Variants in WNT3 observed in about 807,000 individuals in gnomAD.
The protein encoded by WNT3 is Wnt family member 3, also known as proto-oncogene Wnt-3.
WNT3 carries 7 observed loss-of-function variants against 34.2 expected under a neutral mutation model. That is an observed-to-expected ratio of 0.20 (90% CI 0.12 to 0.38). WNT3 has a LOEUF of 0.38. WNT3 is among the 10% of genes least tolerant of loss of function. WNT3 has a pLI of 1.00. For missense variants in WNT3, 267 were observed against 499.8 expected (o/e 0.53, Z 4.44); for synonymous variants, 212 against 211.5 (o/e 1.00, Z -0.02).
Position 46,768,345 on chromosome 17 carries a change from A to G in WNT3, c.1043T>C (p.Ile348Thr). 1 of 1,613,774 alleles carries G rather than the reference A, an allele frequency of 6.2e-7. No homozygotes were observed. The highest frequency in any genetic ancestry group is 8.5e-7 in the Non-Finnish European group (1 of 1,180,044). ...CYVSCQECIRIYDVHTCK is the reference protein window; with the variant it reads ...CYVSCQECIRTYDVHTCK Reference sequence around the variant, plus strand: ...CTACTTGCAGGTGTGCACGTCGTAGATGCGAATACACTCCTGGCAGCTGAC... The same window carrying G: ...CTACTTGCAGGTGTGCACGTCGTAGGTGCGAATACACTCCTGGCAGCTGAC... The change falls in exon 4 of 5, where the codon ATC (isoleucine) becomes ACC (threonine). Residue 348 changes from isoleucine to threonine, a missense_variant. By Grantham distance (89) the Ile-to-Thr change is moderately conservative. Transcript: ENST00000225512. This position sits in a 1 kb window ranked among gnomAD's most constrained non-coding sequence, Gnocchi z 5.0.
chr17:46,815,415 G>A (rs756425681), intron 1 of WNT3, among the ~76,000 whole-genome samples: 3 of 152,148 alleles, frequency 2.0e-5, no homozygotes, highest in Non-Finnish European at 4.4e-5. Context: ...TTGAGGGTCC[G>A]CGTGGACAGA....
intron 1 of WNT3, among the ~76,000 whole-genome samples, chr17:46,807,135 C>T (rs1054966375): frequency 1.3e-5 from 2 of 152,118 alleles, no homozygotes; most frequent in East Asian, 1.9e-4. Context: ...AAAAAAGAGG[C>T]GACTTCTCTG....
rs1227379658 is a variant in WNT3 at position 46,768,573 on chromosome 17, C to T, written c.815G>A (p.Arg272Lys). Residue 272 changes from arginine (R) to lysine (K), a missense_variant, in exon 4 of 5, where the codon AGG becomes AAG. Arg to Lys is a conservative substitution (Grantham distance 26). This residue lies in a region of WNT3 where 181 missense variants were observed against 391.3 expected (regional missense o/e 0.46). Transcript: ENST00000225512. The surrounding 1 kb of genome is among the most constrained non-coding windows in gnomAD (Gnocchi z 5.0). ...GGAGTTCTCGTAGTAGACCAGGTCCCTCTCCGTGGGTGGCTTGAAGAGCGA... is the reference window on the plus strand; with the variant it reads ...GGAGTTCTCGTAGTAGACCAGGTCCTTCTCCGTGGGTGGCTTGAAGAGCGA... ...KYSLFKPPTE[R>K]DLVYYENSPN... is the part of the protein sequence containing the mutation. 1.2e-6 allele frequency: 2 copies of T among 1,614,204 alleles called. No individual in the cohort carries two copies. The highest frequency in any genetic ancestry group is 1.7e-6 in the Non-Finnish European group (2 of 1,180,046).
At chr17:46,779,098 C>T (rs532390637) in intron 1 of WNT3, among the ~76,000 whole-genome samples, 1 of 147,028 alleles carries the variant, frequency 6.8e-6, no homozygotes, top group African/African-American at 2.6e-5. Flanking sequence ...CACACACACA[C>T]ACACACCCCA....
chr17:46,786,825 G>A (rs1387325716), intron 1 of WNT3, among the ~76,000 whole-genome samples: 1 of 152,234 alleles, frequency 6.6e-6, no homozygotes, highest in African/African-American at 2.4e-5. Context: ...TGGCAACTCA[G>A]GGGATGCTGA....
intron 1 of WNT3, among the ~76,000 whole-genome samples, chr17:46,802,539 A>T (rs2084139214): frequency 6.6e-6 from 1 of 152,140 alleles, no homozygotes; most frequent in Admixed American, 6.5e-5. Flanking sequence ...AAGTGCTGGG[A>T]TTACAGGTGT....
intron 1 of WNT3, among the ~76,000 whole-genome samples, chr17:46,780,814 C>T (rs1209775015): frequency 6.6e-6 from 1 of 152,016 alleles, no homozygotes; most frequent in Non-Finnish European, 1.5e-5. Context: ...CCAACAGACA[C>T]CTGTACACCA....
In WNT3 at chr17:46,792,963, A is replaced by G. The variant is rs34458340; in HGVS notation, c.81-19054T>C. On this transcript the variant is annotated intron_variant, in intron 1 of 4. Coordinates refer to ENST00000225512, the MANE Select transcript of WNT3 (RefSeq NM_030753.5). ...ATAGCTAGGAAATGGTGGCACTGAG[A>G]TGGCAAAAAAAGCAGTGAGGGCTGA... Among the ~76,000 whole-genome samples, 212 of 152,120 alleles carry G rather than the reference A, an allele frequency of 1.4e-3. 2 individuals are homozygous for G. Among genetic ancestry groups the G allele is most frequent in the African/African-American group, 4.6e-3 (191 of 41,494 alleles).
chr17:46,776,764 G>C (rs147346738), intron 1 of WNT3, among the ~76,000 whole-genome samples: 132 of 152,274 alleles, frequency 8.7e-4, no homozygotes, highest in African/African-American at 3.0e-3. Context: ...AGAAGCCTGG[G>C]CTGTCCCCGC....
At chr17:46,803,883 G>T (rs1292656623) in intron 1 of WNT3, among the ~76,000 whole-genome samples, 2 of 152,214 alleles carry the variant, frequency 1.3e-5, no homozygotes, top group African/African-American at 4.8e-5. Context: ...AATTCTCATG[G>T]CGCAGCTGAA....
chr17:46,768,610 G>A lies in WNT3; in HGVS notation c.778C>T (p.Arg260Trp). 1.9e-6 allele frequency: 3 copies of A among 1,614,152 alleles called. No individual in the cohort carries two copies. The highest frequency in any genetic ancestry group is 1.1e-5 in the South Asian group (1 of 91,078). ...RESRGWVETL[R>W]AKYSLFKPPT... The stretch of plus-strand genomic sequence containing the variant: ...GGCTTGAAGAGCGAGTACTTGGCCC[G>A]GAGGGTCTCCACCCAGCCTCGGGAC... The change falls in exon 4 of 5, where the codon CGG becomes TGG. Residue 260 changes from arginine to tryptophan, a missense_variant. Arg to Trp is a moderately radical substitution (Grantham distance 101). This residue lies in a region of WNT3 where 181 missense variants were observed against 391.3 expected (regional missense o/e 0.46). Coordinates refer to ENST00000225512, the MANE Select transcript of WNT3 (RefSeq NM_030753.5). The surrounding 1 kb of genome is among the most constrained non-coding windows in gnomAD (Gnocchi z 5.0).
intron 1 of WNT3, among the ~76,000 whole-genome samples, chr17:46,775,402 C>T (rs1402861299): frequency 1.3e-5 from 2 of 152,086 alleles, no homozygotes; most frequent in African/African-American, 2.4e-5. Flanking sequence ...CCCTGGGCAC[C>T]GTGCAGGGGC....
intron 1 of WNT3, among the ~76,000 whole-genome samples, chr17:46,779,104 C>CACACA (rs1555683622): frequency 4.8e-4 from 63 of 130,746 alleles, no homozygotes; most frequent in South Asian, 6.9e-4. Context: ...CACACACACA[C>CACACA]CCCAGCCCAC....
intron 1 of WNT3, among the ~76,000 whole-genome samples, chr17:46,789,629 A>G (rs926971305): frequency 1.3e-5 from 2 of 152,228 alleles, no homozygotes; most frequent in Non-Finnish European, 2.9e-5. Flanking sequence ...AACAAACCAA[A>G]TGACACCATG....
At chr17:46,789,514 C>A (rs1323362531) in intron 1 of WNT3, among the ~76,000 whole-genome samples, 1 of 152,212 alleles carries the variant, frequency 6.6e-6, no homozygotes, top group Non-Finnish European at 1.5e-5. Context: ...GATGATGCAG[C>A]AGGAAGGCCC....
At chr17:46,791,240 G>A (rs2083982741) in intron 1 of WNT3, among the ~76,000 whole-genome samples, 2 of 151,364 alleles carry the variant, frequency 1.3e-5, no homozygotes, top group South Asian at 4.2e-4. Flanking sequence ...CTGAGACAGA[G>A]TCTCGCCCTG....
At chr17:46,809,515 C>T (rs932766981) in intron 1 of WNT3, among the ~76,000 whole-genome samples, 9 of 152,186 alleles carry the variant, frequency 5.9e-5, no homozygotes, top group Admixed American at 1.3e-4. Flanking sequence ...TTTTTCCAGC[C>T]GAGCTGGAGG....
chr17:46,787,991 C>T (rs571895685), intron 1 of WNT3, among the ~76,000 whole-genome samples: 1 of 152,042 alleles, frequency 6.6e-6, no homozygotes, highest in South Asian at 2.1e-4. Flanking sequence ...AGCCTCCACC[C>T]TCCTCAGTGA....
At chr17:46,789,817 G>A (rs1004293237) in intron 1 of WNT3, among the ~76,000 whole-genome samples, 50 of 152,350 alleles carry the variant, frequency 3.3e-4, no homozygotes, top group South Asian at 2.1e-4. Context: ...AGATGCGCAC[G>A]CAGGAGGCAG....
Sources: gnomAD v4.1 joint callset for allele counts (sites outside exome capture counted in the v4.1 genomes callset) on GRCh38, gnomAD v4.1.1 for gene constraint, gnomAD v4.1.1 regional missense constraint, Gnocchi (gnomAD v3.1) non-coding constraint, MANE v1.5 for transcripts, NCBI Gene and HGNC (gene_info 2026-07-23, HGNC 2026-07-21) for gene names.